The following PPP2R2D variants were observed in gnomAD, a reference collection of about 807,000 sequenced individuals.
PPP2R2D encodes serine/threonine-protein phosphatase 2A 55 kDa regulatory subunit B delta isoform.
PPP2R2D carries 9 observed loss-of-function variants against 31.1 expected under a neutral mutation model. That is an observed-to-expected ratio of 0.29 (90% CI 0.17 to 0.51). The LOEUF (loss-of-function observed/expected upper bound fraction) is 0.51. Among genes scored for constraint, PPP2R2D ranks in the 20% least tolerant of loss-of-function variants. The pLI, the probability that PPP2R2D is intolerant of heterozygous loss-of-function variation, is 0.98. For synonymous variants in PPP2R2D, 179 were observed against 172.6 expected (o/e 1.04, Z -0.29); for missense variants, 391 against 465.6 (o/e 0.84, Z 1.48).
At chr10:131,901,776 C>T (rs1396055534) in intron 2 of PPP2R2D, among the ~76,000 whole-genome samples, 2 of 152,118 alleles carry the variant, frequency 1.3e-5, no homozygotes, top group Admixed American at 6.5e-5. Flanking sequence ...AGGGCTGGGT[C>T]GGGGCCTCGG....
intron 8 of PPP2R2D, among the ~76,000 whole-genome samples, chr10:131,952,066 G>A (rs1310100293): frequency 1.3e-5 from 2 of 148,300 alleles, no homozygotes; most frequent in Non-Finnish European, 3.0e-5. Flanking sequence ...CTTGCAGGGG[G>A]TCCCTGTCTT....
intron 5 of PPP2R2D, among the ~76,000 whole-genome samples, chr10:131,941,135 G>T (rs1389281232): frequency 6.6e-6 from 1 of 152,148 alleles, no homozygotes; most frequent in Non-Finnish European, 1.5e-5. Flanking sequence ...TTTCTTTGGG[G>T]TTGGTTTAGG....
At chr10:131,950,758 T>C (rs965175971) in intron 8 of PPP2R2D, among the ~76,000 whole-genome samples, 8 of 152,070 alleles carry the variant, frequency 5.3e-5, no homozygotes, top group African/African-American at 1.9e-4. Context: ...TAGTTATCTG[T>C]GTTTGGGGGA....
At chr10:131,934,678 T>C (rs961657808) in intron 3 of PPP2R2D, 123 bp downstream of exon 3, 140 of 678,044 alleles carry the variant, frequency 2.1e-4, no homozygotes, top group Non-Finnish European at 3.1e-4. Flanking sequence ...TCCATCACAT[T>C]AGCCATACAG....
intron 6 of PPP2R2D, 119 bp downstream of exon 6, chr10:131,944,264 C>G: frequency 1.6e-5 from 12 of 747,676 alleles, no homozygotes; most frequent in Non-Finnish European, 2.3e-5. Flanking sequence ...CATCACTGCA[C>G]AGCAGCCTGT....
At chr10:131,949,449 C>T (rs1370523960) in intron 8 of PPP2R2D, among the ~76,000 whole-genome samples, 1 of 152,134 alleles carries the variant, frequency 6.6e-6, no homozygotes, top group Non-Finnish European at 1.5e-5. Context: ...ACACCCAGGT[C>T]TCTCTGGATT....
chr10:131,940,939 T>C (rs1488435493), intron 5 of PPP2R2D: 1 of 375,878 alleles, frequency 2.7e-6, no homozygotes, highest in African/African-American at 2.1e-5. Flanking sequence ...GGAAAACTCA[T>C]ATTTAATTCT....
At chr10:131,953,014 G>A (rs1430113033) in intron 8 of PPP2R2D, among the ~76,000 whole-genome samples, 1 of 114,462 alleles carries the variant, frequency 8.7e-6, no homozygotes, top group Non-Finnish European at 1.7e-5. Context: ...GGGGTTCACT[G>A]TCTTAGTGAC....
downstream of PPP2R2D, among the ~76,000 whole-genome samples, chr10:131,961,904 T>C (rs1564832031): frequency 6.6e-6 from 1 of 152,006 alleles, no homozygotes; most frequent in South Asian, 2.1e-4. Flanking sequence ...CCTAATTTCA[T>C]GCGCCTCCGC....
chr10:131,917,069 A>G (rs2035813123), intron 2 of PPP2R2D, among the ~76,000 whole-genome samples: 1 of 144,988 alleles, frequency 6.9e-6, no homozygotes, highest in South Asian at 2.2e-4. Flanking sequence ...GGGTGGAATG[A>G]CACAGTGTTT....
intron 2 of PPP2R2D, among the ~76,000 whole-genome samples, chr10:131,932,844 T>C (rs1273509089): frequency 6.6e-6 from 1 of 152,130 alleles, no homozygotes; most frequent in Non-Finnish European, 1.5e-5. Context: ...GCAGTGTTTC[T>C]AATTTTAGGT....
intron 2 of PPP2R2D, among the ~76,000 whole-genome samples, chr10:131,929,297 C>T (rs782204715): frequency 8.5e-5 from 13 of 152,196 alleles, no homozygotes; most frequent in Non-Finnish European, 1.5e-4. Context: ...GAAATGCCAT[C>T]GTGGGAACTG....
intron 2 of PPP2R2D, among the ~76,000 whole-genome samples, chr10:131,913,951 C>T (rs1272235140): frequency 6.6e-6 from 1 of 152,230 alleles, no homozygotes; most frequent in Non-Finnish European, 1.5e-5. Flanking sequence ...TGTGAAGACA[C>T]AGGCTGTGCT....
intron 8 of PPP2R2D, among the ~76,000 whole-genome samples, chr10:131,952,795 G>T (rs1357272552): frequency 1.6e-5 from 2 of 124,318 alleles, no homozygotes; most frequent in Non-Finnish European, 3.3e-5. Context: ...GGTGTGCAGG[G>T]GGTTCACTTA....
rs2036204199 is a variant in PPP2R2D at position 131,930,649 on chromosome 10, C to T, written c.101-3809C>T. Reference sequence around the variant, plus strand: ...CAACCTGTGTGATGCCATCTGACTCCCTTCCTCTCCGCATGTGACCTGTTC... The same window carrying T: ...CAACCTGTGTGATGCCATCTGACTCTCTTCCTCTCCGCATGTGACCTGTTC... On this transcript the variant is annotated intron_variant, in intron 2 of 8. Transcript: ENST00000455566. Among the ~76,000 whole-genome samples, 3 of 152,324 alleles carry T rather than the reference C, an allele frequency of 2.0e-5. No individual in the cohort carries two copies. In the East Asian group the frequency reaches 5.8e-4, roughly 29 times the overall value.
At chr10:131,914,372 A>T (rs1210825205) in intron 2 of PPP2R2D, among the ~76,000 whole-genome samples, 1 of 152,202 alleles carries the variant, frequency 6.6e-6, no homozygotes, top group African/African-American at 2.4e-5. Flanking sequence ...AAGCAAAGAC[A>T]TTCTAATTAA....
chr10:131,947,785 C>A lies in PPP2R2D; in HGVS notation c.1076C>A (p.Ser359Ter). The change falls in exon 8 of 9, where the codon TCG becomes TAG. Residue 359 changes from serine (S) to a stop codon, truncating the protein, a stop_gained. Transcript: ENST00000455566. LOFTEE classifies it high-confidence loss of function. The surrounding 1 kb of genome is among the most constrained non-coding windows in gnomAD (Gnocchi z 4.3). ...AAGTTTGAGTGTTGCTGGAACGGTT[C>A]GGATAGGTAAGGCCTGCGTGGAGAT... ...FDKFECCWNG[S>*]DSAIMTGSYN... 1 of 1,613,330 alleles carries A rather than the reference C, an allele frequency of 6.2e-7. No homozygotes were observed. Among genetic ancestry groups the A allele is most frequent in the South Asian group, 1.1e-5 (1 of 91,040 alleles).
chr10:131,904,871 G>A (rs1379189930), intron 2 of PPP2R2D, among the ~76,000 whole-genome samples: 13 of 152,088 alleles, frequency 8.5e-5, no homozygotes, highest in Non-Finnish European at 1.6e-4. Context: ...AAAGCCTTTG[G>A]TTTTTGTTTT....
intron 8 of PPP2R2D, among the ~76,000 whole-genome samples, chr10:131,949,071 C>T (rs1554898464): frequency 2.0e-5 from 3 of 152,214 alleles, no homozygotes; most frequent in Admixed American, 6.5e-5. Context: ...TCGGGAGGGA[C>T]CGGCGTGTTT....
Sources: allele counts gnomAD v4.1 joint callset (sites outside exome capture counted in the v4.1 genomes callset), GRCh38; gene constraint gnomAD v4.1.1; non-coding constraint Gnocchi (gnomAD v3.1); transcripts MANE v1.5; gene names NCBI Gene and HGNC (gene_info 2026-07-23, HGNC 2026-07-21).